PLEKHG7: variants seen among roughly 807,000 people sequenced by gnomAD.
PLEKHG7 encodes pleckstrin homology domain-containing family G member 7.
A neutral mutation model predicts 85.2 loss-of-function variants in PLEKHG7; 77 were observed. That is an observed-to-expected ratio of 0.90 (90% CI 0.75 to 1.09). PLEKHG7 has a LOEUF of 1.09. PLEKHG7 is among the 50% of genes least tolerant of loss of function. The probability of loss-of-function intolerance (pLI) is 0.00; values close to 1 mark genes in which losing one functional copy is unlikely to be tolerated. For missense variants in PLEKHG7, 777 were observed against 804.3 expected (o/e 0.97, Z 0.41); for synonymous variants, 301 against 302.4 (o/e 1.00, Z 0.05).
intron 3 of PLEKHG7, 61 bp from the exon 4 acceptor site, chr12:92,728,932 C>A: frequency 1.7e-6 from 2 of 1,169,296 alleles, no homozygotes; most frequent in Non-Finnish European, 1.1e-6. Flanking sequence ...TTAAAAATAG[C>A]CATTCTGAGT....
intron 3 of PLEKHG7, among the ~76,000 whole-genome samples, chr12:92,719,970 G>A (rs937835691): frequency 2.6e-5 from 4 of 152,168 alleles, no homozygotes; most frequent in African/African-American, 7.2e-5. Context: ...ATAAGGAAAC[G>A]GTGGCCCGGG....
chr12:92,729,044 G>A lies in PLEKHG7; in HGVS notation c.582G>A (p.Glu194=), dbSNP rs2136591182. ...SSVVLNLPGL[E]VFPGDLLVSD... ...TGGTGCTGAACTTACCTGGACTTGA[G>A]GTGTTCCCCGGGGACCTTCTGGTGT... The change falls in exon 4 of 17, where the codon GAG becomes GAA. Residue 194 remains glutamate (E), a synonymous_variant. Coordinates refer to ENST00000344636, the MANE Select transcript of PLEKHG7 (RefSeq NM_001377329.1). The A allele has an allele frequency of 8.1e-7, 1 of 1,231,812 alleles. No individual in the cohort carries two copies. The highest frequency in any genetic ancestry group is 3.2e-5 in the East Asian group (1 of 31,696). 76.3% of individuals were successfully genotyped at this position (1,231,812 alleles called of 1,614,324 possible).
chr12:92,734,250 TTA>T (rs1467353106), intron 5 of PLEKHG7, among the ~76,000 whole-genome samples: 1 of 152,194 alleles, frequency 6.6e-6, no homozygotes, highest in Non-Finnish European at 1.5e-5. Context: ...TTTCCAATCT[TTA>T]GAGATTTTTC....
At chr12:92,735,198 A>G (rs1014694929) in intron 5 of PLEKHG7, among the ~76,000 whole-genome samples, 1 of 152,176 alleles carries the variant, frequency 6.6e-6, no homozygotes, top group African/African-American at 2.4e-5. Context: ...TATTTCCACA[A>G]CATGCAGTCA....
chr12:92,749,976 ATT>A (rs1565794570), intron 10 of PLEKHG7, among the ~76,000 whole-genome samples: 1 of 93,288 alleles, frequency 1.1e-5, no homozygotes, highest in Non-Finnish European at 2.2e-5. Flanking sequence ...TTTATATTTT[ATT>A]TTATTTTATT....
chr12:92,721,330 C>A, intron 3 of PLEKHG7: 1 of 589,556 alleles, frequency 1.7e-6, no homozygotes, highest in Non-Finnish European at 2.5e-6. Context: ...ACGGCCTGCT[C>A]AGCAGTGGGG....
intron 10 of PLEKHG7, among the ~76,000 whole-genome samples, chr12:92,753,102 A>G (rs1872736228): frequency 6.6e-6 from 1 of 152,188 alleles, no homozygotes; most frequent in Non-Finnish European, 1.5e-5. Flanking sequence ...GTTAAAAGTA[A>G]TATTAGGTGG....
At chr12:92,751,414 G>A (rs1872686640) in intron 10 of PLEKHG7, among the ~76,000 whole-genome samples, 1 of 152,178 alleles carries the variant, frequency 6.6e-6, no homozygotes. Context: ...TGCCCAGCCT[G>A]TAATGCAGTG....
intron 7 of PLEKHG7, among the ~76,000 whole-genome samples, chr12:92,739,613 A>T (rs977745923): frequency 6.6e-6 from 1 of 152,220 alleles, no homozygotes; most frequent in East Asian, 1.9e-4. Flanking sequence ...GTGTATTTAA[A>T]GTATATATGT....
chr12:92,727,471 C>G (rs931844977), intron 3 of PLEKHG7, among the ~76,000 whole-genome samples: 2 of 152,020 alleles, frequency 1.3e-5, no homozygotes, highest in African/African-American at 4.8e-5. Context: ...CTATGGGTAC[C>G]CATTGTATAG....
chr12:92,727,177 G>A (rs1871841243), intron 3 of PLEKHG7, among the ~76,000 whole-genome samples: 1 of 152,164 alleles, frequency 6.6e-6, no homozygotes, highest in African/African-American at 2.4e-5. Context: ...GTGGCAGCAG[G>A]CAGCTCGCAG....
rs1555196587 is a variant in PLEKHG7 at position 92,761,631 on chromosome 12, A to AAAGAAAGGAAGGAAGG, written c.1637-114_1637-113insGAAGGAAGGAAGAAAG. 3.4e-4 allele frequency: 53 copies of AAAGAAAGGAAGGAAGG among 155,464 alleles called. 1 individual carries two copies. Among genetic ancestry groups the AAAGAAAGGAAGGAAGG allele is most frequent in the Admixed American group, 3.3e-3 (11 of 3,304 alleles). The allele number at this position is 155,464 out of a possible 1,614,324, so 9.6% of individuals were successfully genotyped here. On this transcript the variant is annotated intron_variant, in intron 13 of 16. Coordinates refer to ENST00000344636, the MANE Select transcript of PLEKHG7 (RefSeq NM_001377329.1). Reference sequence around the variant, plus strand: ...AAAAAGAAAGAAAGAAAGAAGAAAGAAAGAAAGAAAGAAAGAAAGAAAGAA... The same window carrying AAAGAAAGGAAGGAAGG: ...AAAAAGAAAGAAAGAAAGAAGAAAGAAAGAAAGGAAGGAAGGAAGAAAGAAAGAAAGAAAGAAAGAA...
chr12:92,730,608 C>T (rs551377518), intron 4 of PLEKHG7, among the ~76,000 whole-genome samples: 72 of 152,282 alleles, frequency 4.7e-4, no homozygotes, highest in African/African-American at 1.6e-3. Flanking sequence ...TTAGTAGAGA[C>T]GAAGTTTCAA....
chr12:92,768,427 A>G (rs1291688366), intron 15 of PLEKHG7, among the ~76,000 whole-genome samples: 1 of 152,174 alleles, frequency 6.6e-6, no homozygotes, highest in East Asian at 1.9e-4. Context: ...GTTTTGTTTT[A>G]CATTTCACCC....
Position 92,746,054 on chromosome 12 carries a change from A to C in PLEKHG7, c.1251+463A>C, listed in dbSNP as rs1239351567. On this transcript the variant is annotated intron_variant, in intron 10 of 16. Transcript: ENST00000344636. ...AGCACAATGTCAATGTTGCCTCTGG[A>C]GCTGTGCCAATATGGCAGCTCTGGG... Among the ~76,000 whole-genome samples, 3 of 152,164 alleles carry C rather than the reference A, an allele frequency of 2.0e-5. No homozygotes were observed. In the East Asian group the frequency reaches 5.8e-4, roughly 29 times the overall value.
chr12:92,761,121 C>T (rs748644152), intron 13 of PLEKHG7, among the ~76,000 whole-genome samples: 19 of 152,206 alleles, frequency 1.2e-4, no homozygotes, highest in African/African-American at 4.3e-4. Flanking sequence ...TAATTACTTT[C>T]TTACTCCAAA....
chr12:92,704,159 C>T (rs1180954531), intron 1 of PLEKHG7, among the ~76,000 whole-genome samples: 1 of 151,966 alleles, frequency 6.6e-6, no homozygotes, highest in Admixed American at 6.6e-5. Context: ...TACTCAGGAG[C>T]ACTGCAGCAT....
chr12:92,761,626 GAAAGA>G (rs1165895180), intron 13 of PLEKHG7, 121 bp from the exon 14 acceptor site: 14 of 65,480 alleles, frequency 2.1e-4, no homozygotes, highest in East Asian at 2.0e-3. Context: ...AAAGAAAGAA[GAAAGA>G]AAGAAAGAAA....
chr12:92,755,843 T>A lies in PLEKHG7; in HGVS notation c.1445T>A (p.Val482Glu), dbSNP rs779196340. Reference sequence around the variant, plus strand: ...CTTTCAGGGGACCTTGAAGGAAAAGTGAAGTGGCTGGACAATTTCCAAAAA... The same window carrying A: ...CTTTCAGGGGACCTTGAAGGAAAAGAGAAGTGGCTGGACAATTTCCAAAAA... Reference protein sequence around the residue: ...EKSIRDLEGKVKWLDNFQKFR... With the variant: ...EKSIRDLEGKEKWLDNFQKFR... Residue 482 changes from valine to glutamate, a missense_variant, in exon 12 of 17, where the codon GTG becomes GAG. Physicochemically the swap from Val to Glu is moderately radical, Grantham distance 121. Around this residue, in one of 3 missense-constraint regions of PLEKHG7, gnomAD observed 520 missense variants for 544.0 expected, o/e 0.96. Coordinates refer to ENST00000344636, the MANE Select transcript of PLEKHG7 (RefSeq NM_001377329.1). The A allele has an allele frequency of 1.9e-6, 3 of 1,612,920 alleles. No individual in the cohort carries two copies. The South Asian group carries it at 3.3e-5, about 18-fold the overall frequency.
Sources: gnomAD v4.1 joint callset for allele counts (sites outside exome capture counted in the v4.1 genomes callset) on GRCh38, gnomAD v4.1.1 for gene constraint, gnomAD v4.1.1 regional missense constraint, MANE v1.5 for transcripts, NCBI Gene and HGNC (gene_info 2026-07-23, HGNC 2026-07-21) for gene names.